Variants in PCDHA1 observed in about 807,000 individuals in gnomAD.
PCDHA1 encodes protocadherin alpha-1.
In PCDHA1, 42 loss-of-function variants were observed where a neutral mutation model predicts 61.3. That is an observed-to-expected ratio of 0.69 (90% CI 0.54 to 0.89). PCDHA1 has a LOEUF of 0.89. PCDHA1 is among the 40% of genes least tolerant of loss of function. The probability of loss-of-function intolerance (pLI) is 0.00; values close to 1 mark genes in which losing one functional copy is unlikely to be tolerated. For missense variants in PCDHA1, 1,256 were observed against 1,235.3 expected (o/e 1.02, Z -0.25); for synonymous variants, 610 against 553.8 (o/e 1.10, Z -1.43).
chr5:140,837,978 C>T (rs1554136732), intron 1 of PCDHA1, among the ~76,000 whole-genome samples: 1 of 151,764 alleles, frequency 6.6e-6, no homozygotes, highest in African/African-American at 2.4e-5. Context: ...CACACCCAGC[C>T]TGCCTTTCAT....
intron 1 of PCDHA1, chr5:140,865,753 A>T (rs894037976): frequency 2.6e-5 from 4 of 152,218 alleles, no homozygotes; most frequent in Admixed American, 1.3e-4. Flanking sequence ...CAGTGCCAGT[A>T]CATGGTGGAG....
chr5:140,848,600 C>A lies in PCDHA1; in HGVS notation c.2394+59916C>A, dbSNP rs2150414065. On this transcript the variant is annotated intron_variant, in intron 1 of 3. Transcript: ENST00000504120. The stretch of plus-strand genomic sequence containing the variant: ...GGAGCGGCCAGCTCCACTACTCCGT[C>A]CCGGAGGAAGCCGAACACGGCACCT... 2.5e-6 allele frequency: 4 copies of A among 1,593,634 alleles called. 1 individual carries two copies. The highest frequency in any genetic ancestry group is 3.4e-6 in the Non-Finnish European group (4 of 1,164,058).
chr5:140,841,884 A>G, intron 1 of PCDHA1: 1 of 1,613,846 alleles, frequency 6.2e-7, no homozygotes, highest in Non-Finnish European at 8.5e-7. Flanking sequence ...AAGAACGATG[A>G]GAATAAACTG....
chr5:140,960,606 T>C (rs565459983), intron 1 of PCDHA1, among the ~76,000 whole-genome samples: 2 of 152,176 alleles, frequency 1.3e-5, no homozygotes, highest in African/African-American at 4.8e-5. Context: ...ACTTCAACAA[T>C]ATCTAGTGTG....
chr5:140,882,153 A>C (rs1197738298), intron 1 of PCDHA1: 8 of 1,505,202 alleles, frequency 5.3e-6, no homozygotes, highest in Non-Finnish European at 7.1e-6. Flanking sequence ...CAGAAAGCGG[A>C]ATACCTCTTG....
chr5:140,850,305 A>G lies in PCDHA1; in HGVS notation c.2394+61621A>G, dbSNP rs145743353. ...CGCAGTGGACGCCGACTCGGGCTAC[A>G]ACGCGTGGCTTTCATACGAGCTGCA... On this transcript the variant is annotated intron_variant, in intron 1 of 3. Transcript: ENST00000504120. 1.9e-5 allele frequency: 30 copies of G among 1,596,858 alleles called. 3 individuals carry two copies. Among genetic ancestry groups the G allele is most frequent in the Non-Finnish European group, 2.5e-5 (29 of 1,167,642 alleles).
intron 1 of PCDHA1, chr5:140,843,740 C>T (rs2150365873): frequency 1.9e-5 from 29 of 1,536,514 alleles, no homozygotes; most frequent in South Asian, 3.4e-5. Context: ...ATTTAGAACT[C>T]ATAAATTCTA....
chr5:140,948,573 G>A (rs892818051), intron 1 of PCDHA1, among the ~76,000 whole-genome samples: 1 of 151,448 alleles, frequency 6.6e-6, no homozygotes, highest in Non-Finnish European at 1.5e-5. Flanking sequence ...ATTTTTTAAA[G>A]GATTTGTCAG....
At chr5:140,870,477 G>A (rs781992966) in intron 1 of PCDHA1, 2 of 1,614,238 alleles carry the variant, frequency 1.2e-6, no homozygotes, top group East Asian at 2.2e-5. Flanking sequence ...CACAGCCCGA[G>A]TACACCGTGT....
chr5:140,838,373 C>T (rs1280236434), intron 1 of PCDHA1, among the ~76,000 whole-genome samples: 1 of 151,416 alleles, frequency 6.6e-6, no homozygotes, highest in South Asian at 2.1e-4. Context: ...ATCTGACTGC[C>T]TCAGCCTCCC....
At chr5:140,894,363 C>T (rs971503382) in intron 1 of PCDHA1, among the ~76,000 whole-genome samples, 1 of 151,968 alleles carries the variant, frequency 6.6e-6, no homozygotes, top group Admixed American at 6.5e-5. Context: ...ATTTCTTCTT[C>T]AATGGCTCCA....
At chr5:140,891,007 G>A (rs1228475433) in intron 1 of PCDHA1, among the ~76,000 whole-genome samples, 7 of 152,030 alleles carry the variant, frequency 4.6e-5, no homozygotes, top group African/African-American at 7.3e-5. Context: ...TTATTGAAAA[G>A]CATTTTTTCT....
At chr5:140,792,231 C>T (rs1319371889) in intron 1 of PCDHA1, among the ~76,000 whole-genome samples, 2 of 152,068 alleles carry the variant, frequency 1.3e-5, no homozygotes, top group African/African-American at 4.8e-5. Context: ...CTTCACATTT[C>T]CTTCTTTCCT....
intron 1 of PCDHA1, chr5:140,852,575 CTTT>C (rs1395261617): frequency 1.3e-6 from 1 of 799,030 alleles, no homozygotes. Context: ...TGTGCCAAGG[CTTT>C]TTTATTTTTT....
Position 140,843,127 on chromosome 5 carries a change from C to G in PCDHA1, c.2394+54443C>G, listed in dbSNP as rs2150353470. 3 of 1,595,942 alleles carry G rather than the reference C, an allele frequency of 1.9e-6. No individual in the cohort carries two copies. The South Asian group carries it at 3.3e-5, about 18-fold the overall frequency. On this transcript the variant is annotated intron_variant, in intron 1 of 3. Transcript: ENST00000504120. The stretch of plus-strand genomic sequence containing the variant: ...TGCGCGCAGTGGACGCCGACTCGGG[C>G]TACAACGCGTGGCTTTCGTATGAGC...
intron 1 of PCDHA1, chr5:140,829,034 T>G: frequency 6.2e-7 from 1 of 1,613,244 alleles, no homozygotes; most frequent in Non-Finnish European, 8.5e-7. Flanking sequence ...ACAAGAAAAC[T>G]TATACAAAAT....
intron 1 of PCDHA1, among the ~76,000 whole-genome samples, chr5:140,873,367 A>G (rs782242904): frequency 2.0e-5 from 3 of 152,174 alleles, no homozygotes; most frequent in Non-Finnish European, 2.9e-5. Context: ...GAATAACTGA[A>G]GATCTTTTAA....
chr5:140,964,560 TGGGAGGAGATAAG>T (rs2095840156), intron 1 of PCDHA1, among the ~76,000 whole-genome samples: 1 of 152,082 alleles, frequency 6.6e-6, no homozygotes, highest in Admixed American at 6.6e-5. Context: ...CTTGGAGGGC[TGGGAGGAGATAAG>T]GGGAGGAAAG....
chr5:140,976,037 T>C (rs1466922826), intron 1 of PCDHA1, among the ~76,000 whole-genome samples: 1 of 152,200 alleles, frequency 6.6e-6, no homozygotes, highest in Non-Finnish European at 1.5e-5. Context: ...ATTTCAACTG[T>C]GATTGAAATT....
Sources: gnomAD v4.1 joint callset for allele counts (sites outside exome capture counted in the v4.1 genomes callset) on GRCh38, gnomAD v4.1.1 for gene constraint, MANE v1.5 for transcripts, NCBI Gene and HGNC (gene_info 2026-07-23, HGNC 2026-07-21) for gene names.